The following SHISAL2A variants were observed in gnomAD, a reference collection of about 807,000 sequenced individuals.
SHISAL2A encodes protein shisa-like-2A.
A neutral mutation model predicts 11.5 loss-of-function variants in SHISAL2A; 18 were observed. The ratio of observed to expected loss-of-function variants is 1.57; its 90% CI spans 1.08 to 2.33. SHISAL2A has a LOEUF of 2.33. Among genes scored for constraint, SHISAL2A ranks in the 30% most tolerant of loss-of-function variants. The pLI, the probability that SHISAL2A is intolerant of heterozygous loss-of-function variation, is 0.00. For missense variants in SHISAL2A, 261 were observed against 250.9 expected, an observed-to-expected ratio of 1.04 and a Z score of -0.27; for synonymous variants, 94 against 99.6, an observed-to-expected ratio of 0.94 and a Z score of 0.34.
At chr1:52,653,743 C>T (rs1257560078) in intron 2 of SHISAL2A, among the ~76,000 whole-genome samples, 3 of 151,956 alleles carry the variant, frequency 2.0e-5, no homozygotes, top group Non-Finnish European at 4.4e-5. Context: ...AATTGCAACC[C>T]GCCCTTTTTT....
downstream of SHISAL2A, chr1:52,659,299 G>T (rs72907557): frequency 0.094 from 14,422 of 152,628 alleles, 1,477 homozygotes; most frequent in African/African-American, 0.25. Context: ...GAACGTGTTG[G>T]GATTACAGGT....
At chr1:52,644,226 G>C (rs1691440490) in intron 2 of SHISAL2A, among the ~76,000 whole-genome samples, 1 of 152,096 alleles carries the variant, frequency 6.6e-6, no homozygotes, top group Admixed American at 6.5e-5. Context: ...AACAGGGAAG[G>C]ATACTTGAGT....
rs56655042 is a variant in SHISAL2A, at chr1:52,645,396, C to CGTTTTGTTTTGTTTT, written c.322+2409_322+2423dup. Among the ~76,000 whole-genome samples the CGTTTTGTTTTGTTTT allele has an allele frequency of 3.3e-4, 50 of 150,178 alleles. 1 individual carries two copies. The highest frequency in any genetic ancestry group is 6.4e-4 in the South Asian group (3 of 4,680). ...AGACCAGAGACAACTGAGGCTTCAA[C>CGTTTTGTTTTGTTTT]GTTTTGTTTTGTTTTGTTTTGTTTT... is the stretch of plus-strand genomic sequence containing the variant. On this transcript the variant is annotated intron_variant, in intron 2 of 2. Transcript: ENST00000517870.
At chr1:52,648,044 A>G (rs1487884112) in intron 2 of SHISAL2A, among the ~76,000 whole-genome samples, 1 of 128,792 alleles carries the variant, frequency 7.8e-6, no homozygotes. Context: ...ATATCTATTT[A>G]AATAATATAT....
At chr1:52,660,775 C>T (rs1691892918), downstream of SHISAL2A, among the ~76,000 whole-genome samples, 1 of 152,156 alleles carries the variant, frequency 6.6e-6, no homozygotes, top group Non-Finnish European at 1.5e-5. Flanking sequence ...CAGACGTTCA[C>T]ATTTGTTTGT....
intron 2 of SHISAL2A, among the ~76,000 whole-genome samples, chr1:52,644,359 G>A (rs1691445912): frequency 6.6e-6 from 1 of 152,202 alleles, no homozygotes; most frequent in Non-Finnish European, 1.5e-5. Flanking sequence ...GCAGTGACAG[G>A]GTCATTCACA....
chr1:52,643,898 G>A (rs928254014), intron 2 of SHISAL2A, among the ~76,000 whole-genome samples: 1 of 151,644 alleles, frequency 6.6e-6, no homozygotes, highest in Non-Finnish European at 1.5e-5. Context: ...GAGAGAGGGA[G>A]GGAGGGAGGG....
chr1:52,662,004 G>C (rs1209320232), downstream of SHISAL2A, among the ~76,000 whole-genome samples: 1 of 151,754 alleles, frequency 6.6e-6, no homozygotes, highest in Non-Finnish European at 1.5e-5. Context: ...CTGCACTCCA[G>C]CCTGGGTGAC....
intron 1 of SHISAL2A, among the ~76,000 whole-genome samples, chr1:52,637,609 A>G (rs1387800297): frequency 2.0e-5 from 3 of 152,216 alleles, no homozygotes; most frequent in Admixed American, 2.0e-4. Flanking sequence ...GAGCCAGAAG[A>G]CAGCAGCCTT....
chr1:52,655,534 G>T (rs1446693270), intron 2 of SHISAL2A, among the ~76,000 whole-genome samples: 1 of 151,182 alleles, frequency 6.6e-6, no homozygotes, highest in Non-Finnish European at 1.5e-5. Flanking sequence ...GCTGAGGTGG[G>T]AAGATCACCT....
At chr1:52,639,609 C>A (rs1042300382) in intron 1 of SHISAL2A, among the ~76,000 whole-genome samples, 1 of 151,626 alleles carries the variant, frequency 6.6e-6, no homozygotes, top group African/African-American at 2.4e-5. Context: ...AAAAATTAGC[C>A]GGGCGTGGTG....
At chr1:52,654,191 G>A (rs1056065870) in intron 2 of SHISAL2A, among the ~76,000 whole-genome samples, 18 of 151,660 alleles carry the variant, frequency 1.2e-4, no homozygotes, top group African/African-American at 4.4e-4. Context: ...GATTACAAGT[G>A]TGAGCCACTG....
At chr1:52,638,387 C>T (rs527272286) in intron 1 of SHISAL2A, among the ~76,000 whole-genome samples, 1 of 145,592 alleles carries the variant, frequency 6.9e-6, no homozygotes, top group Non-Finnish European at 1.5e-5. Context: ...GCCCTACGAA[C>T]AGTAAGCATA....
Position 52,664,518 on chromosome 1 carries a change from G to A in SHISAL2A, n.696-2881G>A, listed in dbSNP as rs188077671. 3.3e-3 allele frequency among the ~76,000 whole-genome samples: 493 copies of A among 149,338 alleles called. 3 individuals are homozygous for A. The Middle Eastern group carries it at 0.061, about 19-fold the overall frequency. ...TTACAGGCGTGTGCCACCATGCCCG[G>A]CTAATTTTTTTGTATTTTTAGTAGA... is the stretch of plus-strand genomic sequence containing the variant. On this transcript the variant is annotated intron_variant and non_coding_transcript_variant, in intron 4 of 5. Coordinates refer to the SHISAL2A transcript ENST00000401050.
At chr1:52,647,558 C>T (rs1691528247) in intron 2 of SHISAL2A, among the ~76,000 whole-genome samples, 1 of 152,026 alleles carries the variant, frequency 6.6e-6, no homozygotes, top group Non-Finnish European at 1.5e-5. Context: ...AAAAATGATA[C>T]ATCCAGGCCA....
At chr1:52,641,021 A>G (rs1025143932) in intron 1 of SHISAL2A, among the ~76,000 whole-genome samples, 1 of 152,198 alleles carries the variant, frequency 6.6e-6, no homozygotes, top group Non-Finnish European at 1.5e-5. Flanking sequence ...CAGGGTTTAG[A>G]GAACTTCTGG....
chr1:52,654,810 T>G (rs960515914), intron 2 of SHISAL2A, among the ~76,000 whole-genome samples: 1 of 152,168 alleles, frequency 6.6e-6, no homozygotes, highest in South Asian at 2.1e-4. Flanking sequence ...GTTCAAAATT[T>G]TAATGCTGTG....
chr1:52,663,165 C>G (rs894017547), intron 4 of SHISAL2A, among the ~76,000 whole-genome samples: 1 of 152,176 alleles, frequency 6.6e-6, no homozygotes, highest in African/African-American at 2.4e-5. Context: ...GCTCTTTGTC[C>G]TGTGGCTGCA....
chr1:52,637,387 C>G (rs1434432849), intron 1 of SHISAL2A, among the ~76,000 whole-genome samples: 2 of 152,178 alleles, frequency 1.3e-5, no homozygotes, highest in East Asian at 1.9e-4. Flanking sequence ...CCGTTTGGCC[C>G]TTTTCATGAA....
Sources: gnomAD v4.1 joint callset for allele counts (sites outside exome capture counted in the v4.1 genomes callset) on GRCh38, gnomAD v4.1.1 for gene constraint, MANE v1.5 for transcripts, NCBI Gene and HGNC (gene_info 2026-07-23, HGNC 2026-07-21) for gene names.